MDGA2: variants seen among roughly 807,000 people sequenced by gnomAD.
MDGA2 encodes the protein MAM domain containing glycosylphosphatidylinositol anchor 2, also known as MAM domain-containing glycosylphosphatidylinositol anchor protein 2.
A neutral mutation model predicts 117.8 loss-of-function variants in MDGA2; 40 were observed. The observed-to-expected ratio is 0.34, with a 90% CI of 0.26 to 0.44. The LOEUF (loss-of-function observed/expected upper bound fraction) is 0.44, where lower values mean the gene tolerates loss of function less well. Among genes scored for constraint, MDGA2 ranks in the 20% least tolerant of loss-of-function variants. The probability of loss-of-function intolerance (pLI) is 1.00; values close to 1 mark genes in which losing one functional copy is unlikely to be tolerated. For synonymous variants in MDGA2, 452 were observed against 439.0 expected (o/e 1.03, Z -0.37); for missense variants, 1,123 against 1,250.6 (o/e 0.90, Z 1.54).
chr14:47,537,574 TAAAAAAAAAAAA>T (rs58060138), intron 1 of MDGA2, among the ~76,000 whole-genome samples: 72 of 36,628 alleles, frequency 2.0e-3, no homozygotes, highest in African/African-American at 3.9e-3. Flanking sequence ...TTCTCTCTGT[TAAAAAAAAAAAA>T]AAAAAAAAAA....
chr14:47,207,017 A>G (rs1885708940), intron 3 of MDGA2, among the ~76,000 whole-genome samples: 1 of 152,038 alleles, frequency 6.6e-6, no homozygotes, highest in Non-Finnish European at 1.5e-5. Flanking sequence ...AAGAGATAAC[A>G]TCACTTTGAT....
chr14:47,087,460 CAAAA>C (rs749371957), intron 6 of MDGA2, among the ~76,000 whole-genome samples: 21 of 67,964 alleles, frequency 3.1e-4, no homozygotes, highest in Non-Finnish European at 4.8e-4. Context: ...GACTCCACAT[CAAAA>C]AAAAAAAAAA....
chr14:46,842,656 G>GT (rs1237283345), intron 16 of MDGA2, among the ~76,000 whole-genome samples: 1 of 152,212 alleles, frequency 6.6e-6, no homozygotes, highest in Non-Finnish European at 1.5e-5. Context: ...AAAACCTGGT[G>GT]TCCAGTTGAT....
Position 47,662,102 on chromosome 14 carries a change from A to T in MDGA2, c.280+12415T>A, listed in dbSNP as rs750787216. Among the ~76,000 whole-genome samples, 139 of 152,138 alleles carry T rather than the reference A, an allele frequency of 9.1e-4. 3 individuals are homozygous for T. Among genetic ancestry groups the T allele is most frequent in the Non-Finnish European group, 4.1e-4 (28 of 68,026 alleles). On this transcript the variant is annotated intron_variant, in intron 1 of 16. Transcript: ENST00000399232. The stretch of plus-strand genomic sequence containing the variant: ...ACAATAGAAACATGAATGTATCACA[A>T]ATATTCAAACACAAACTGAGTATTA...
At chr14:47,139,170 A>G (rs537194611) in intron 4 of MDGA2, among the ~76,000 whole-genome samples, 92 of 152,226 alleles carry the variant, frequency 6.0e-4, no homozygotes, top group Non-Finnish European at 1.2e-3. Context: ...TAACATTAAA[A>G]CTTAAGTAGA....
chr14:47,404,523 C>A (rs1373161530), intron 1 of MDGA2, among the ~76,000 whole-genome samples: 1 of 151,676 alleles, frequency 6.6e-6, no homozygotes, highest in Non-Finnish European at 1.5e-5. Flanking sequence ...GAGACAGGGT[C>A]TCACTCTGTT....
At chr14:47,249,710 A>G (rs1887380585) in intron 2 of MDGA2, among the ~76,000 whole-genome samples, 1 of 151,268 alleles carries the variant, frequency 6.6e-6, no homozygotes, top group Admixed American at 6.6e-5. Context: ...TTTAGGCTAC[A>G]TTTTTTTTTA....
At chr14:47,385,314 AC>A (rs1891732190) in intron 1 of MDGA2, among the ~76,000 whole-genome samples, 1 of 152,062 alleles carries the variant, frequency 6.6e-6, no homozygotes, top group Non-Finnish European at 1.5e-5. Context: ...AAGATTAGAA[AC>A]TGACATTCAT....
intron 3 of MDGA2, among the ~76,000 whole-genome samples, chr14:47,201,850 C>G (rs1885520476): frequency 1.3e-5 from 2 of 152,110 alleles, no homozygotes; most frequent in South Asian, 4.1e-4. Context: ...TTTCTTCCCA[C>G]TCATCATCTG....
At chr14:47,534,509 A>T (rs545562831) in intron 1 of MDGA2, among the ~76,000 whole-genome samples, 3 of 152,182 alleles carry the variant, frequency 2.0e-5, no homozygotes, top group African/African-American at 4.8e-5. Flanking sequence ...TGTCTTACAT[A>T]GCAGCAAGTG....
intron 3 of MDGA2, among the ~76,000 whole-genome samples, chr14:47,158,187 G>A (rs145989631): frequency 5.9e-5 from 9 of 152,266 alleles, no homozygotes; most frequent in East Asian, 5.8e-4. Context: ...ACTGCTTACA[G>A]CATTCAGTAT....
At chr14:47,217,352 T>G (rs538288391) in intron 3 of MDGA2, among the ~76,000 whole-genome samples, 9 of 151,856 alleles carry the variant, frequency 5.9e-5, no homozygotes, top group Non-Finnish European at 1.2e-4. Context: ...ATGTAGGCCC[T>G]TGCTTTGTTT....
intron 1 of MDGA2, among the ~76,000 whole-genome samples, chr14:47,389,614 A>ACCCACC (rs33917670): frequency 6.8e-6 from 1 of 147,588 alleles, no homozygotes; most frequent in Non-Finnish European, 1.5e-5. Flanking sequence ...ACCCACACAC[A>ACCCACC]CACACACACA....
At chr14:47,439,672 G>A (rs185133406) in intron 1 of MDGA2, among the ~76,000 whole-genome samples, 10 of 152,016 alleles carry the variant, frequency 6.6e-5, no homozygotes, top group Admixed American at 3.3e-4. Flanking sequence ...GATAATGACC[G>A]ACTAAATTTT....
chr14:47,108,599 T>G, intron 5 of MDGA2, among the ~76,000 whole-genome samples: 1 of 151,694 alleles, frequency 6.6e-6, no homozygotes, highest in African/African-American at 2.4e-5. Context: ...AAACCCCCTT[T>G]GACTGTAATT....
At chr14:47,185,878 C>CA (rs151210877) in intron 3 of MDGA2, among the ~76,000 whole-genome samples, 4,421 of 151,378 alleles carry the variant, frequency 0.029, 210 homozygotes, top group African/African-American at 0.099. Context: ...ATAAAAGATA[C>CA]AAAAAACCCA....
chr14:47,346,418 T>G (rs1316285385), intron 1 of MDGA2, among the ~76,000 whole-genome samples: 1 of 152,146 alleles, frequency 6.6e-6, no homozygotes, highest in Non-Finnish European at 1.5e-5. Flanking sequence ...CTTCAGCACT[T>G]TAAAATTTTA....
chr14:47,066,222 T>C (rs1249015527), intron 6 of MDGA2, among the ~76,000 whole-genome samples: 3 of 152,204 alleles, frequency 2.0e-5, no homozygotes, highest in Non-Finnish European at 4.4e-5. Flanking sequence ...CTCTTCTTCA[T>C]TGCCCCCAAA....
intron 14 of MDGA2, among the ~76,000 whole-genome samples, chr14:46,864,572 T>C (rs1466728869): frequency 2.2e-5 from 2 of 89,420 alleles, no homozygotes; most frequent in African/African-American, 8.3e-5. Context: ...TTTTTTTTTT[T>C]ACAAATTAAA....
Sources: allele counts gnomAD v4.1 joint callset (sites outside exome capture counted in the v4.1 genomes callset), GRCh38; gene constraint gnomAD v4.1.1; transcripts MANE v1.5; gene names NCBI Gene and HGNC (gene_info 2026-07-23, HGNC 2026-07-21).